GNAL: variants seen among roughly 807,000 people sequenced by gnomAD.
GNAL encodes the protein guanine nucleotide-binding protein G(olf) subunit alpha.
In GNAL, 18 loss-of-function variants were observed where a neutral mutation model predicts 55.1. The observed-to-expected ratio is 0.33, with a 90% CI of 0.23 to 0.48. The LOEUF is 0.48. Ranked by LOEUF, GNAL falls within the 20% of genes least tolerant of loss-of-function variation. The probability of loss-of-function intolerance (pLI) is 0.99; values close to 1 mark genes in which losing one functional copy is unlikely to be tolerated. For missense variants in GNAL, 412 were observed against 614.1 expected (o/e 0.67, Z 3.48); for synonymous variants, 253 against 237.0 (o/e 1.07, Z -0.62).
intron 1 of GNAL, among the ~76,000 whole-genome samples, chr18:11,704,393 TGCCCTGAGC>T (rs1353427056): frequency 6.6e-6 from 1 of 152,382 alleles, no homozygotes; most frequent in Non-Finnish European, 1.5e-5. Context: ...GGCTTCACTA[TGCCCTGAGC>T]AGTCCAAGGC....
intron 4 of GNAL, among the ~76,000 whole-genome samples, chr18:11,759,930 G>T (rs188638431): frequency 1.3e-5 from 2 of 152,062 alleles, no homozygotes; most frequent in Non-Finnish European, 2.9e-5. Context: ...GAAGCCCACC[G>T]TGTAAATCAG....
chr18:11,696,262 G>A (rs2031407928), intron 1 of GNAL, among the ~76,000 whole-genome samples: 1 of 152,008 alleles, frequency 6.6e-6, no homozygotes, highest in African/African-American at 2.4e-5. Context: ...CAGCACTTTG[G>A]GAGGCCGAGG....
intron 1 of GNAL, among the ~76,000 whole-genome samples, chr18:11,735,406 G>T (rs1361287403): frequency 6.6e-6 from 1 of 152,080 alleles, no homozygotes; most frequent in Non-Finnish European, 1.5e-5. Flanking sequence ...TGAAGAGAGT[G>T]ATGATAAGGA....
chr18:11,839,267 G>T (rs1210606623), intron 5 of GNAL, among the ~76,000 whole-genome samples: 2 of 151,980 alleles, frequency 1.3e-5, no homozygotes, highest in African/African-American at 4.8e-5. Context: ...TTTTTGGCTG[G>T]GTACAGTGGC....
intron 4 of GNAL, among the ~76,000 whole-genome samples, chr18:11,799,139 A>G (rs1598469249): frequency 2.0e-5 from 3 of 151,862 alleles, no homozygotes; most frequent in African/African-American, 7.3e-5. Flanking sequence ...TTAAATGAAC[A>G]CACCTTTTAA....
chr18:11,802,889 G>A (rs1308152988), intron 4 of GNAL, among the ~76,000 whole-genome samples: 1 of 152,142 alleles, frequency 6.6e-6, no homozygotes, highest in East Asian at 1.9e-4. Context: ...AAGGAGGCAG[G>A]CTCTCGAGTT....
chr18:11,824,801 A>G (rs541115774), intron 4 of GNAL, 117 bp from the exon 5 acceptor site: 5 of 607,768 alleles, frequency 8.2e-6, no homozygotes, highest in Non-Finnish European at 1.4e-5. Context: ...AGACTTCCAC[A>G]AAGAAAATCT....
At chr18:11,704,857 C>A (rs773839937) in intron 1 of GNAL, among the ~76,000 whole-genome samples, 1 of 151,764 alleles carries the variant, frequency 6.6e-6, no homozygotes, top group Non-Finnish European at 1.5e-5. Context: ...TTAAAGTGTG[C>A]AGTTTGGTTA....
At chr18:11,796,542 C>G (rs1209886433) in intron 4 of GNAL, among the ~76,000 whole-genome samples, 2 of 140,256 alleles carry the variant, frequency 1.4e-5, no homozygotes, top group Non-Finnish European at 3.0e-5. Context: ...CCACTGCACT[C>G]CAGCCTGGGT....
intron 1 of GNAL, among the ~76,000 whole-genome samples, chr18:11,731,089 G>T (rs1427608265): frequency 6.6e-6 from 1 of 152,194 alleles, no homozygotes; most frequent in Non-Finnish European, 1.5e-5. Context: ...ACTCCAAAAA[G>T]AATGGGGTAT....
rs147795588 is a variant in GNAL at position 11,762,013 on chromosome 18, A to G, written c.624+8068A>G. 4.8e-3 allele frequency among the ~76,000 whole-genome samples: 730 copies of G among 152,338 alleles called. 3 individuals carry two copies. The highest frequency in any genetic ancestry group is 7.2e-3 in the Non-Finnish European group (493 of 68,028). On this transcript the variant is annotated intron_variant, in intron 4 of 11. Transcript: ENST00000334049. ...TTCTATAGGGCCTAACAGAAGTCCC[A>G]CTTTGCAGAGGAAAACAGTGATGTG...
intron 1 of GNAL, among the ~76,000 whole-genome samples, chr18:11,704,902 A>G (rs1027316753): frequency 2.0e-5 from 3 of 152,148 alleles, no homozygotes; most frequent in African/African-American, 7.2e-5. Flanking sequence ...GAGCATATCC[A>G]TCACCTCTGA....
At chr18:11,707,363 T>C (rs112614844) in intron 1 of GNAL, among the ~76,000 whole-genome samples, 2,488 of 152,334 alleles carry the variant, frequency 0.016, 29 homozygotes, top group Middle Eastern at 0.02. Context: ...CTTGTACATC[T>C]CCATCAGAGC....
chr18:11,864,914 G>A (rs2036226630), intron 7 of GNAL, among the ~76,000 whole-genome samples: 1 of 152,168 alleles, frequency 6.6e-6, no homozygotes, highest in Non-Finnish European at 1.5e-5. Flanking sequence ...CACAGGTTGA[G>A]AACTGAAATG....
chr18:11,758,453 A>G (rs552877815), intron 4 of GNAL, among the ~76,000 whole-genome samples: 1 of 152,316 alleles, frequency 6.6e-6, no homozygotes, highest in East Asian at 1.9e-4. Context: ...AGAACTGTAA[A>G]GGGGAGTTTC....
chr18:11,769,543 A>G (rs2033567033), intron 4 of GNAL, among the ~76,000 whole-genome samples: 1 of 152,210 alleles, frequency 6.6e-6, no homozygotes, highest in Non-Finnish European at 1.5e-5. Context: ...CATGATGTTC[A>G]GAAAAATGAA....
At chr18:11,811,629 A>G (rs1198366698) in intron 4 of GNAL, 2 of 152,238 alleles carry the variant, frequency 1.3e-5, no homozygotes, top group Admixed American at 1.3e-4. Flanking sequence ...TGTGTTTTAC[A>G]CTAAAATTTG....
intron 1 of GNAL, among the ~76,000 whole-genome samples, chr18:11,693,290 T>G (rs2031310269): frequency 6.6e-6 from 1 of 152,176 alleles, no homozygotes; most frequent in African/African-American, 2.4e-5. Context: ...TTGTAACACA[T>G]TTGAAAGTAC....
chr18:11,814,840 G>A (rs1293056816), intron 4 of GNAL, among the ~76,000 whole-genome samples: 3 of 151,676 alleles, frequency 2.0e-5, no homozygotes, highest in East Asian at 1.9e-4. Context: ...AGAGGTTTCA[G>A]TGAACCGAGA....
Sources: allele counts gnomAD v4.1 joint callset (sites outside exome capture counted in the v4.1 genomes callset), GRCh38; gene constraint gnomAD v4.1.1; transcripts MANE v1.5; gene names NCBI Gene and HGNC (gene_info 2026-07-23, HGNC 2026-07-21).